The following PPARGC1A variants were observed in gnomAD, a reference collection of about 807,000 sequenced individuals.
The protein encoded by PPARGC1A is peroxisome proliferator-activated receptor gamma coactivator 1-alpha.
A neutral mutation model predicts 88.7 loss-of-function variants in PPARGC1A; 25 were observed. That is an observed-to-expected ratio of 0.28 (90% CI 0.21 to 0.39). The LOEUF is 0.39. PPARGC1A is among the 10% of genes least tolerant of loss of function. The pLI is 1.00. For synonymous variants in PPARGC1A, 363 were observed against 355.6 expected (o/e 1.02, Z -0.24); for missense variants, 880 against 968.7 (o/e 0.91, Z 1.22).
the PPARGC1A span, among the ~76,000 whole-genome samples, chr4:24,143,560 CT>C: frequency 2.0e-5 from 3 of 152,058 alleles, no homozygotes. Context: ...ATATAAATAG[CT>C]TTTGTAACAA....
the PPARGC1A span, among the ~76,000 whole-genome samples, chr4:24,110,331 G>A: frequency 4.3e-4 from 65 of 152,258 alleles, no homozygotes; most frequent in African/African-American, 7.2e-4. Context: ...ATCTCAACCC[G>A]TGGTTTTTAG....
the PPARGC1A span, among the ~76,000 whole-genome samples, chr4:24,069,384 C>T: frequency 0.94 from 143,007 of 152,326 alleles, 67,217 homozygotes; most frequent in African/African-American, 0.97. Context: ...CCCTACCCAT[C>T]ACCAAAGCTA....
the PPARGC1A span, among the ~76,000 whole-genome samples, chr4:23,967,227 C>T: frequency 6.6e-6 from 1 of 152,166 alleles, no homozygotes; most frequent in Admixed American, 6.5e-5. Flanking sequence ...TAAAGGAATG[C>T]ATCCCGTGGC....
At chr4:24,230,429 AT>A in the PPARGC1A span, among the ~76,000 whole-genome samples, 1 of 152,092 alleles carries the variant, frequency 6.6e-6, no homozygotes, top group Non-Finnish European at 1.5e-5. Context: ...TGGATGCTTC[AT>A]TTTAAAGGTA....
chr4:23,978,315 T>A, the PPARGC1A span, among the ~76,000 whole-genome samples: 1 of 152,238 alleles, frequency 6.6e-6, no homozygotes, highest in East Asian at 1.9e-4. Flanking sequence ...ATGCTCCATT[T>A]ATTATAAACA....
At chr4:23,972,971 C>G in the PPARGC1A span, among the ~76,000 whole-genome samples, 1 of 152,186 alleles carries the variant, frequency 6.6e-6, no homozygotes, top group Non-Finnish European at 1.5e-5. Flanking sequence ...AATCCCTCAG[C>G]TGCTCGTTAA....
the PPARGC1A span, among the ~76,000 whole-genome samples, chr4:24,171,400 A>C: frequency 6.6e-6 from 1 of 151,558 alleles, no homozygotes; most frequent in African/African-American, 2.4e-5. Context: ...GCGAGACTCC[A>C]TCTCAAAAAA....
chr4:24,428,361 C>G, the PPARGC1A span, among the ~76,000 whole-genome samples: 3 of 152,118 alleles, frequency 2.0e-5, no homozygotes, highest in African/African-American at 7.2e-5. Flanking sequence ...TCTCTTTTCC[C>G]CCTGCCTACT....
At chr4:23,968,419 A>G in the PPARGC1A span, among the ~76,000 whole-genome samples, 1 of 152,008 alleles carries the variant, frequency 6.6e-6, no homozygotes, top group Non-Finnish European at 1.5e-5. Context: ...TGTTAATCCC[A>G]CTGCAACCAA....
the PPARGC1A span, among the ~76,000 whole-genome samples, chr4:24,125,047 CTT>C: frequency 6.6e-6 from 1 of 151,978 alleles, no homozygotes; most frequent in Non-Finnish European, 1.5e-5. Flanking sequence ...GGGTTAGAAA[CTT>C]AACGCTTCAT....
At chr4:24,400,585 CCTGA>C in the PPARGC1A span, among the ~76,000 whole-genome samples, 1 of 152,040 alleles carries the variant, frequency 6.6e-6, no homozygotes, top group Admixed American at 6.6e-5. Context: ...CTAAGAGAAC[CCTGA>C]CTAATACAAC....
chr4:24,088,599 T>A, the PPARGC1A span, among the ~76,000 whole-genome samples: 2 of 152,110 alleles, frequency 1.3e-5, no homozygotes, highest in African/African-American at 4.8e-5. Flanking sequence ...ATAAATAATA[T>A]CTGTCTGCCA....
At chr4:24,312,006 C>G in the PPARGC1A span, among the ~76,000 whole-genome samples, 1 of 152,160 alleles carries the variant, frequency 6.6e-6, no homozygotes, top group Non-Finnish European at 1.5e-5. Flanking sequence ...CCACGGGAAC[C>G]CACAGGAAAT....
At chr4:24,470,281 C>CACACAG in the PPARGC1A span, among the ~76,000 whole-genome samples, 32 of 109,658 alleles carry the variant, frequency 2.9e-4, 1 homozygote, top group Admixed American at 2.6e-3. This position sits in a 1 kb window ranked among gnomAD's most constrained non-coding sequence, Gnocchi z 5.8. Context: ...GACACAGACA[C>CACACAG]ACACACACAC....
the PPARGC1A span, among the ~76,000 whole-genome samples, chr4:24,449,220 C>T: frequency 1.3e-5 from 2 of 152,150 alleles, no homozygotes; most frequent in Non-Finnish European, 2.9e-5. Context: ...CTTAAAAACC[C>T]AGCCCAGAAC....
At chr4:24,162,880 C>T in the PPARGC1A span, among the ~76,000 whole-genome samples, 1 of 151,942 alleles carries the variant, frequency 6.6e-6, no homozygotes, top group African/African-American at 2.4e-5. Context: ...AGGTGTGAGT[C>T]ACCACACCTG....
At chr4:24,119,018 A>G in the PPARGC1A span, among the ~76,000 whole-genome samples, 2 of 152,240 alleles carry the variant, frequency 1.3e-5, no homozygotes, top group Non-Finnish European at 2.9e-5. Flanking sequence ...GACCTATCAA[A>G]CGCATCACCT....
At chr4:24,043,552 T>C in the PPARGC1A span, among the ~76,000 whole-genome samples, 1 of 152,200 alleles carries the variant, frequency 6.6e-6, no homozygotes, top group Non-Finnish European at 1.5e-5. Context: ...CAATACAGAA[T>C]GCCTTTCCTT....
chr4:24,159,413 G>C, the PPARGC1A span, among the ~76,000 whole-genome samples: 3 of 151,952 alleles, frequency 2.0e-5, no homozygotes, highest in African/African-American at 7.2e-5. Flanking sequence ...GTTTCACCAT[G>C]TTGGTCAGGC....
Sources: gnomAD v4.1 joint callset for allele counts (sites outside exome capture counted in the v4.1 genomes callset) on GRCh38, gnomAD v4.1.1 for gene constraint, Gnocchi (gnomAD v3.1) non-coding constraint, MANE v1.5 for transcripts, NCBI Gene and HGNC (gene_info 2026-07-23, HGNC 2026-07-21) for gene names.